Variants in NELL1 observed in about 807,000 individuals in gnomAD.
NELL1 encodes the protein protein kinase C-binding protein NELL1.
A neutral mutation model predicts 107.4 loss-of-function variants in NELL1; 76 were observed. The ratio of observed to expected loss-of-function variants is 0.71; its 90% CI spans 0.59 to 0.86. The LOEUF is 0.86. NELL1 is among the 40% of genes least tolerant of loss of function. The pLI, the probability that NELL1 is intolerant of heterozygous loss-of-function variation, is 0.00. For missense variants in NELL1, 1,024 were observed against 1,005.5 expected, an observed-to-expected ratio of 1.02 and a Z score of -0.25; for synonymous variants, 353 against 341.2, an observed-to-expected ratio of 1.03 and a Z score of -0.38.
intron 13 of NELL1, among the ~76,000 whole-genome samples, chr11:21,209,404 A>G (rs1034859139): frequency 6.6e-6 from 1 of 150,940 alleles, no homozygotes; most frequent in Non-Finnish European, 1.5e-5. Context: ...GGTTTTTTTC[A>G]ATTAAGGAAA....
intron 5 of NELL1, among the ~76,000 whole-genome samples, chr11:20,893,366 C>T (rs1337391764): frequency 3.1e-4 from 25 of 79,958 alleles, no homozygotes; most frequent in Non-Finnish European, 5.2e-4. Context: ...ACATGTATCC[C>T]GTGTTTTTTT....
chr11:21,120,459 G>A (rs1364552764), intron 13 of NELL1, among the ~76,000 whole-genome samples: 4 of 152,244 alleles, frequency 2.6e-5, no homozygotes, highest in Non-Finnish European at 5.9e-5. Flanking sequence ...CAACCTGATT[G>A]AGCAAAATGG....
At chr11:21,523,643 C>T (rs1451730310) in intron 15 of NELL1, among the ~76,000 whole-genome samples, 1 of 152,124 alleles carries the variant, frequency 6.6e-6, no homozygotes, top group Non-Finnish European at 1.5e-5. Flanking sequence ...CAGCTATCTC[C>T]TCTCCAATAC....
chr11:20,715,054 T>C (rs986035827), intron 2 of NELL1, among the ~76,000 whole-genome samples: 4 of 152,052 alleles, frequency 2.6e-5, no homozygotes, highest in East Asian at 1.9e-4. Flanking sequence ...CCATCCTGGC[T>C]AACATGGTGA....
At chr11:21,458,023 A>AT (rs34608971) in intron 15 of NELL1, among the ~76,000 whole-genome samples, 105,647 of 151,696 alleles carry the variant, frequency 0.7, 38,896 homozygotes, top group Middle Eastern at 0.84. Flanking sequence ...AGATCAGGTG[A>AT]TGGAGACCAA....
chr11:21,572,267 G>T (rs1857115529), intron 18 of NELL1, among the ~76,000 whole-genome samples: 2 of 151,700 alleles, frequency 1.3e-5, no homozygotes, highest in South Asian at 4.2e-4. Flanking sequence ...TTCCATCCTA[G>T]CCCCTAAGAT....
At chr11:21,295,739 G>C (rs1373157313) in intron 14 of NELL1, among the ~76,000 whole-genome samples, 3 of 152,008 alleles carry the variant, frequency 2.0e-5, no homozygotes, top group Admixed American at 2.0e-4. Flanking sequence ...TTGGAACTCA[G>C]TGTGGTAAAT....
intron 2 of NELL1, among the ~76,000 whole-genome samples, chr11:20,731,818 A>G (rs949233487): frequency 2.6e-5 from 4 of 152,200 alleles, no homozygotes; most frequent in Non-Finnish European, 4.4e-5. Flanking sequence ...GTATTGAGTA[A>G]ATGGCAGCTG....
chr11:20,708,074 G>T (rs1169420259), intron 2 of NELL1, among the ~76,000 whole-genome samples: 1 of 152,232 alleles, frequency 6.6e-6, no homozygotes, highest in Non-Finnish European at 1.5e-5. Context: ...CCTCGCTGCT[G>T]CTTTGCAGTT....
chr11:20,675,170 T>C (rs935127167), intron 1 of NELL1, among the ~76,000 whole-genome samples: 21 of 152,188 alleles, frequency 1.4e-4, no homozygotes, highest in African/African-American at 4.8e-4. Flanking sequence ...TTCAAGTCGC[T>C]GCCTGAATAA....
At chr11:21,517,509 C>T (rs6483778) in intron 15 of NELL1, among the ~76,000 whole-genome samples, 20,538 of 152,080 alleles carry the variant, frequency 0.14, 1,517 homozygotes, top group Admixed American at 0.2. Context: ...CTACATCACT[C>T]ATTTAGATTG....
At position 21,068,708 on chromosome 11, in the gene NELL1, C is replaced by T. The variant is rs115977669; in HGVS notation, c.1301-44881C>T. On this transcript the variant is annotated intron_variant, in intron 12 of 19. Coordinates refer to ENST00000357134, the MANE Select transcript of NELL1 (RefSeq NM_006157.5). ...GATAATGCAGATTGTTTGCTATTGA[C>T]GATTAGATTCAGGATCCCAAGTGCC... is the stretch of plus-strand genomic sequence containing the variant. 2.9e-3 allele frequency among the ~76,000 whole-genome samples: 436 copies of T among 152,260 alleles called. 4 individuals carry two copies. Among genetic ancestry groups the T allele is most frequent in the African/African-American group, 0.01 (426 of 41,556 alleles).
chr11:20,731,179 C>T (rs1238167673), intron 2 of NELL1, among the ~76,000 whole-genome samples: 2 of 152,168 alleles, frequency 1.3e-5, no homozygotes, highest in Non-Finnish European at 2.9e-5. Context: ...TCTGCAGACA[C>T]CTGAGGAGGT....
intron 2 of NELL1, among the ~76,000 whole-genome samples, chr11:20,760,875 C>T (rs1346137623): frequency 6.6e-6 from 1 of 152,224 alleles, no homozygotes; most frequent in Admixed American, 6.5e-5. Flanking sequence ...ATTCCCAGGT[C>T]TCACTTGGCC....
intron 15 of NELL1, among the ~76,000 whole-genome samples, chr11:21,432,948 T>C (rs908520585): frequency 1.3e-5 from 2 of 152,160 alleles, no homozygotes; most frequent in Non-Finnish European, 2.9e-5. Flanking sequence ...TACAACACAC[T>C]AGAAGTTATT....
rs1311636815 is a variant in NELL1, at chr11:21,506,668, A to G, written c.1646-27706A>G. 3.3e-5 allele frequency among the ~76,000 whole-genome samples: 5 copies of G among 152,228 alleles called. No individual in the cohort carries two copies. In the South Asian group the frequency reaches 1.0e-3, roughly 31 times the overall value. On this transcript the variant is annotated intron_variant, in intron 15 of 19. Coordinates refer to ENST00000357134, the MANE Select transcript of NELL1 (RefSeq NM_006157.5). ...TATAATAGTTATTATTACTATTATT[A>G]TCTCAAAATACCTACCAGCCTAAAT... is the stretch of plus-strand genomic sequence containing the variant.
intron 4 of NELL1, among the ~76,000 whole-genome samples, chr11:20,876,763 A>AAAAAC (rs376339320): frequency 4.7e-4 from 72 of 152,186 alleles, no homozygotes; most frequent in Admixed American, 3.5e-3. Context: ...ACTCCATCTC[A>AAAAAC]AAAACAAAAC....
At chr11:21,292,723 A>G (rs1849298309) in intron 14 of NELL1, among the ~76,000 whole-genome samples, 1 of 152,208 alleles carries the variant, frequency 6.6e-6, no homozygotes, top group African/African-American at 2.4e-5. Flanking sequence ...TACTGATACC[A>G]AAACAGATAT....
intron 2 of NELL1, among the ~76,000 whole-genome samples, chr11:20,725,668 T>C (rs1855492424): frequency 6.6e-6 from 1 of 152,256 alleles, no homozygotes; most frequent in African/African-American, 2.4e-5. Flanking sequence ...AGCTTGTTAA[T>C]TGCAGAATAA....
Sources: gnomAD v4.1 joint callset for allele counts (sites outside exome capture counted in the v4.1 genomes callset) on GRCh38, gnomAD v4.1.1 for gene constraint, MANE v1.5 for transcripts, NCBI Gene and HGNC (gene_info 2026-07-23, HGNC 2026-07-21) for gene names.